Variants in SDE2 observed in about 807,000 individuals in gnomAD.
SDE2 encodes the protein splicing regulator SDE2.
Under a neutral mutation model 46.9 loss-of-function variants are expected in SDE2, and 31 were observed. The ratio of observed to expected loss-of-function variants is 0.66; its 90% CI spans 0.50 to 0.89. SDE2 has a LOEUF of 0.89. SDE2 is among the 40% of genes least tolerant of loss of function. The pLI, the probability that SDE2 is intolerant of heterozygous loss-of-function variation, is 0.00. For missense variants in SDE2, 542 were observed against 564.4 expected, an observed-to-expected ratio of 0.96 and a Z score of 0.40; for synonymous variants, 205 against 204.3, an observed-to-expected ratio of 1.00 and a Z score of -0.03.
Position 225,992,441 on chromosome 1 carries a change from C to T in SDE2, c.477G>A (p.Gln159=), listed in dbSNP as rs571007811. ...CCAGACGCTCAGCCATCTCATGGCA[C>T]TGCTGCTGGTAGTCGGGGCTGGTGA... is the stretch of plus-strand genomic sequence containing the variant. The part of the protein sequence containing the change: ...HCFTSPDYQQ[Q]CHEMAERLED... Residue 159 remains glutamine, a synonymous_variant, in exon 4 of 7, where the codon CAG becomes CAA. Transcript: ENST00000272091. 9.3e-6 allele frequency: 15 copies of T among 1,613,780 alleles called. No homozygotes were observed. The East Asian group carries it at 3.3e-4, about 36-fold the overall frequency.
intron 1 of SDE2, 116 bp from the exon 2 acceptor site, chr1:225,995,499 A>G (rs902173376): frequency 4.5e-5 from 24 of 528,738 alleles, no homozygotes; most frequent in Middle Eastern, 6.5e-4. Flanking sequence ...TGTTCAATTA[A>G]TATTTGTTGA....
chr1:225,992,617 C>A, intron 3 of SDE2, 50 bp from the exon 4 acceptor site: 1 of 1,160,028 alleles, frequency 8.6e-7, no homozygotes, highest in Non-Finnish European at 1.3e-6. Flanking sequence ...ATTACATATA[C>A]ACTTTTATAT....
chr1:225,988,014 A>T lies in SDE2; in HGVS notation c.1016T>A (p.Leu339Gln). The stretch of plus-strand genomic sequence containing the variant: ...TTCTTCTGTCTCTTTATCCTTATTC[A>T]GTCCAGCCCCAGTGGGCTCCTCTTC... ...PIEEEPTGAGLNKDKETEERT... is the reference protein window; with the variant it reads ...PIEEEPTGAGQNKDKETEERT... The change falls in exon 6 of 7, where the codon CTG (leucine) becomes CAG (glutamine). Residue 339 changes from leucine (L) to glutamine (Q), a missense_variant. Physicochemically the swap from Leu to Gln is moderately radical, Grantham distance 113. This residue lies in a region of SDE2 where 401 missense variants were observed against 437.8 expected (regional missense o/e 0.92). Coordinates refer to ENST00000272091, the MANE Select transcript of SDE2 (RefSeq NM_152608.4). 1 of 1,614,108 alleles carries T rather than the reference A, an allele frequency of 6.2e-7. No individual in the cohort carries two copies. The highest frequency in any genetic ancestry group is 8.5e-7 in the Non-Finnish European group (1 of 1,180,002).
intron 6 of SDE2, among the ~76,000 whole-genome samples, chr1:225,986,241 G>A (rs963133575): frequency 3.3e-5 from 5 of 151,784 alleles, no homozygotes; most frequent in Admixed American, 3.3e-4. Flanking sequence ...AGCTACTTGG[G>A]AGACTGAGGC....
chr1:225,988,955 C>A (rs536712223), intron 5 of SDE2, among the ~76,000 whole-genome samples: 9 of 152,260 alleles, frequency 5.9e-5, no homozygotes, highest in Non-Finnish European at 8.8e-5. Flanking sequence ...TTGCTTAAAG[C>A]TTTCTTCCCC....
Position 225,995,264 on chromosome 1 carries a change from A to AC in SDE2, c.238+1dup, listed in dbSNP as rs759092211. 1 of 1,502,210 alleles carries AC rather than the reference A, an allele frequency of 6.7e-7. No homozygotes were observed. The highest frequency in any genetic ancestry group is 1.1e-5 in the South Asian group (1 of 87,932). 93.1% of individuals were successfully genotyped at this position (1,502,210 alleles called of 1,614,324 possible). ...ACTAAGTAGTCAATGTTCAGGTCCTACCTCCTTTTCCACCGCAAAGTCTGG... is the reference window on the plus strand; with the variant it reads ...ACTAAGTAGTCAATGTTCAGGTCCTACCCTCCTTTTCCACCGCAAAGTCTGG... On this transcript the variant is annotated splice_donor_variant, in intron 2 of 6. Coordinates refer to ENST00000272091, the MANE Select transcript of SDE2 (RefSeq NM_152608.4). LOFTEE classifies it high-confidence loss of function.
rs112422303 is a variant in SDE2 at position 225,988,042 on chromosome 1, T to C, written c.988A>G (p.Ile330Val). The change falls in exon 6 of 7, where the codon ATA becomes GTA. Residue 330 changes from isoleucine (I) to valine (V), a missense_variant. This residue lies in a region of SDE2 where 401 missense variants were observed against 437.8 expected (regional missense o/e 0.92). Transcript: ENST00000272091. The part of the protein sequence containing the change: ...QEKKAESKEP[I>V]EEEPTGAGLN... ...CCAGCCCCAGTGGGCTCCTCTTCTA[T>C]GGGTTCTTTACTCTCTGCCTTCTTC... 37 of 1,614,240 alleles carry C rather than the reference T, an allele frequency of 2.3e-5. 1 individual carries two copies. The highest frequency in any genetic ancestry group is 2.1e-4 in the African/African-American group (16 of 75,066).
intron 1 of SDE2, among the ~76,000 whole-genome samples, chr1:225,995,652 G>A (rs1387084380): frequency 6.6e-6 from 1 of 152,126 alleles, no homozygotes; most frequent in Non-Finnish European, 1.5e-5. Flanking sequence ...CTTCTTCTCT[G>A]ATAGGTAATC....
At chr1:225,992,040 G>T (rs1209717933) in intron 4 of SDE2, among the ~76,000 whole-genome samples, 2 of 152,096 alleles carry the variant, frequency 1.3e-5, no homozygotes, top group Non-Finnish European at 2.9e-5. Flanking sequence ...TTAGCCAGGC[G>T]TGGTGGCGTG....
intron 1 of SDE2, 68 bp downstream of exon 1, chr1:225,999,125 C>T: frequency 1.5e-6 from 2 of 1,354,388 alleles, no homozygotes; most frequent in Admixed American, 1.7e-5. Context: ...CCGGACAGAC[C>T]TACTCCGCAC....
rs563576866 is a variant in SDE2, at chr1:225,999,266, C to A, written c.47G>T (p.Gly16Val). 1.2e-4 allele frequency: 200 copies of A among 1,613,004 alleles called. 1 individual carries two copies. In the East Asian group the frequency reaches 4.2e-3, roughly 34 times the overall value. The stretch of plus-strand genomic sequence containing the variant: ...CGAGGCACACCGCACCGCCTTGCAC[C>A]CGAAGCCAGGGCCGCGAATCCACAC... ...ALVWIRGPGF[G>V]CKAVRCASGR... is the part of the protein sequence containing the mutation. Residue 16 changes from glycine to valine, a missense_variant, in exon 1 of 7, where the codon GGG becomes GTG. Physicochemically the swap from Gly to Val is moderately radical, Grantham distance 109. Coordinates refer to ENST00000272091, the MANE Select transcript of SDE2 (RefSeq NM_152608.4).
chr1:225,993,674 T>C (rs540494433), intron 2 of SDE2, among the ~76,000 whole-genome samples: 1 of 152,164 alleles, frequency 6.6e-6, no homozygotes, highest in East Asian at 1.9e-4. Context: ...ATTAAGAACT[T>C]AAAAAGTATA....
intron 6 of SDE2, among the ~76,000 whole-genome samples, chr1:225,986,788 C>T (rs1656279601): frequency 6.6e-6 from 1 of 152,214 alleles, no homozygotes; most frequent in African/African-American, 2.4e-5. Flanking sequence ...TTGTAAGGAC[C>T]TTAGCATAAA....
At chr1:225,988,419 G>A (rs191456821) in intron 5 of SDE2, 31 bp from the exon 6 acceptor site, 19 of 1,607,124 alleles carry the variant, frequency 1.2e-5, no homozygotes, top group African/African-American at 5.4e-5. Context: ...GTTTAACAGC[G>A]TTTGTAGCTT....
At position 225,984,476 on chromosome 1, in the gene SDE2, A is replaced by G. The variant is rs571434678; in HGVS notation, c.*826T>C. ...AGAAAATAACAGAAATTAATTATAT[A>G]AACAATTGAGAAAAATAAAACCAAA... On this transcript the variant is annotated 3_prime_UTR_variant, in exon 7 of 7. Transcript: ENST00000272091. 9 of 152,260 alleles carry G rather than the reference A, an allele frequency of 5.9e-5. No individual in the cohort carries two copies. In the East Asian group the frequency reaches 1.7e-3, roughly 29 times the overall value. The allele number at this position is 152,260 out of a possible 1,614,324, so 9.4% of individuals were successfully genotyped here.
At chr1:225,993,851 C>G (rs1008711799) in intron 2 of SDE2, among the ~76,000 whole-genome samples, 1 of 152,004 alleles carries the variant, frequency 6.6e-6, no homozygotes, top group African/African-American at 2.4e-5. Context: ...CTCACTGCAG[C>G]CTTGAACTCC....
chr1:225,998,782 T>C (rs534608163), intron 1 of SDE2, among the ~76,000 whole-genome samples: 5 of 152,288 alleles, frequency 3.3e-5, no homozygotes, highest in East Asian at 3.9e-4. Context: ...CATACTTCTC[T>C]AGGCTGGGGC....
intron 1 of SDE2, among the ~76,000 whole-genome samples, chr1:225,998,022 G>A (rs1242452957): frequency 7.2e-5 from 11 of 152,000 alleles, no homozygotes. Context: ...AGCTATTTGG[G>A]AGGCTGAGGC....
intron 2 of SDE2, 103 bp from the exon 3 acceptor site, chr1:225,993,105 TA>T (rs1317172039): frequency 2.5e-5 from 11 of 443,016 alleles, no homozygotes; most frequent in Non-Finnish European, 4.3e-5. Context: ...CAATGATCTC[TA>T]CTTTCTTTCT....
Sources: allele counts gnomAD v4.1 joint callset (sites outside exome capture counted in the v4.1 genomes callset), GRCh38; gene constraint gnomAD v4.1.1; regional missense constraint gnomAD v4.1.1; transcripts MANE v1.5; gene names NCBI Gene and HGNC (gene_info 2026-07-23, HGNC 2026-07-21).